The following DGKG variants were observed in gnomAD, a reference collection of about 807,000 sequenced individuals.
DGKG encodes the protein DAG kinase gamma.
DGKG carries 78 observed loss-of-function variants against 105.3 expected under a neutral mutation model. That is an observed-to-expected ratio of 0.74 (90% CI 0.62 to 0.89). DGKG has a LOEUF of 0.89. Ranked by LOEUF, DGKG falls within the 40% of genes least tolerant of loss-of-function variation. DGKG has a pLI of 0.00. For missense variants in DGKG, 958 were observed against 1,020.1 expected, an observed-to-expected ratio of 0.94 and a Z score of 0.83; for synonymous variants, 346 against 367.1, an observed-to-expected ratio of 0.94 and a Z score of 0.66.
intron 13 of DGKG, among the ~76,000 whole-genome samples, 166 bp from the exon 14 acceptor site, chr3:186,265,472 G>A (rs1722001650): frequency 7.0e-6 from 1 of 143,472 alleles, no homozygotes; most frequent in South Asian, 2.3e-4. Context: ...ATAAAGAAAT[G>A]TACCCCTATG....
rs891381373 is a variant in DGKG, at chr3:186,203,463, G to C, written c.1917+8332C>G. Among the ~76,000 whole-genome samples the C allele has an allele frequency of 1.3e-5, 2 of 152,170 alleles. No homozygotes were observed. The highest frequency in any genetic ancestry group is 1.5e-5 in the Non-Finnish European group (1 of 68,036). On this transcript the variant is annotated intron_variant, in intron 21 of 24. Coordinates refer to ENST00000265022, the MANE Select transcript of DGKG (RefSeq NM_001346.3). This position sits in a 1 kb window ranked among gnomAD's most constrained non-coding sequence, Gnocchi z 4.9. Reference sequence around the variant, plus strand: ...TGAATTTGGATTACCTTTGTAATCGGGAAAAGAGGTTAGCCCACATATTAG... The same window carrying C: ...TGAATTTGGATTACCTTTGTAATCGCGAAAAGAGGTTAGCCCACATATTAG...
intron 21 of DGKG, among the ~76,000 whole-genome samples, chr3:186,198,543 G>C (rs1400949053): frequency 6.6e-6 from 1 of 152,204 alleles, no homozygotes; most frequent in Non-Finnish European, 1.5e-5. Context: ...AGAGGCAGTG[G>C]TGTGCTGTCA....
intron 22 of DGKG, among the ~76,000 whole-genome samples, chr3:186,183,643 C>T (rs951783101): frequency 3.3e-5 from 5 of 151,552 alleles, no homozygotes; most frequent in African/African-American, 7.3e-5. Flanking sequence ...TAATGTGCTA[C>T]GACAAAGGCT....
chr3:186,206,378 G>C (rs1218934372), intron 21 of DGKG, among the ~76,000 whole-genome samples: 1 of 150,836 alleles, frequency 6.6e-6, no homozygotes, highest in Admixed American at 6.6e-5. Context: ...GCAAGACTCT[G>C]TCAAAAAAAC....
intron 7 of DGKG, among the ~76,000 whole-genome samples, chr3:186,282,021 T>C (rs1162729704): frequency 2.0e-5 from 3 of 152,124 alleles, no homozygotes; most frequent in African/African-American, 4.8e-5. Context: ...AGTGTAGGAA[T>C]AGAGAAATTT....
At chr3:186,356,113 A>G (rs746222433) in intron 1 of DGKG, among the ~76,000 whole-genome samples, 1 of 152,244 alleles carries the variant, frequency 6.6e-6, no homozygotes, top group Non-Finnish European at 1.5e-5. Flanking sequence ...GCTCAGTTAT[A>G]GTACAGAAAG....
chr3:186,243,493 T>C (rs565304546), intron 19 of DGKG, among the ~76,000 whole-genome samples: 6 of 152,272 alleles, frequency 3.9e-5, no homozygotes, highest in Admixed American at 3.9e-4. Flanking sequence ...TCGTGGCTGT[T>C]ACCAGCATCT....
chr3:186,277,451 C>T (rs16860665), intron 9 of DGKG, among the ~76,000 whole-genome samples: 2,880 of 152,304 alleles, frequency 0.019, 42 homozygotes, highest in East Asian at 0.055. Flanking sequence ...GGGTCTTTTG[C>T]TGGCCAGAGC....
chr3:186,334,305 A>G (rs1257734035), intron 1 of DGKG, among the ~76,000 whole-genome samples: 1 of 152,148 alleles, frequency 6.6e-6, no homozygotes, highest in Non-Finnish European at 1.5e-5. Context: ...CTGCATCTGT[A>G]CTGCTTCTCA....
At chr3:186,184,331 C>T (rs1476556403) in intron 22 of DGKG, among the ~76,000 whole-genome samples, 4 of 152,108 alleles carry the variant, frequency 2.6e-5, no homozygotes, top group African/African-American at 9.7e-5. Flanking sequence ...GGGGCTTTTC[C>T]CAATACCCCT....
chr3:186,174,466 G>A (rs1716976114), intron 22 of DGKG, among the ~76,000 whole-genome samples: 1 of 152,108 alleles, frequency 6.6e-6, no homozygotes, highest in Non-Finnish European at 1.5e-5. Context: ...GAAGGTTGGG[G>A]GAGGATTCTG....
chr3:186,303,992 G>C (rs111627260), intron 3 of DGKG, among the ~76,000 whole-genome samples: 36 of 152,352 alleles, frequency 2.4e-4, no homozygotes, highest in African/African-American at 7.7e-4. Flanking sequence ...CTGTGTGAGA[G>C]AACGAAATCA....
chr3:186,149,456 C>T lies in DGKG; in HGVS notation c.*634G>A, dbSNP rs115342942. The T allele has an allele frequency of 2.6e-3, 2,534 of 985,412 alleles. 53 individuals carry two copies. In the African/African-American group the frequency reaches 0.041, roughly 16 times the overall value. The allele number at this position is 985,412 out of a possible 1,614,324, so 61.0% of individuals were successfully genotyped here. A position where few individuals can be genotyped will look rare whatever the true frequency, so the allele number is the denominator to read the frequency against. ...CTGGAAAATAACAAGTGCCCACCGA[C>T]GGCGCAGAAACCCAAGAATGGAAAT... On this transcript the variant is annotated 3_prime_UTR_variant, in exon 25 of 25. Transcript: ENST00000265022.
chr3:186,320,407 T>A lies in DGKG; in HGVS notation c.53A>T (p.Gln18Leu), dbSNP rs148753073. 6.2e-7 allele frequency: 1 copy of A among 1,614,240 alleles called. No homozygotes were observed. The highest frequency in any genetic ancestry group is 8.5e-7 in the Non-Finnish European group (1 of 1,180,032). ...CATTTACTCACATTCTGAATATTTC[T>A]GGAGTTGGTCAAATTCTTCTGGAGT... ...SLTPEEFDQL[Q>L]KYSEYSSKKI... Residue 18 changes from glutamine to leucine, a missense_variant, in exon 2 of 25, where the codon CAG (glutamine) becomes CTG (leucine). Coordinates refer to ENST00000265022, the MANE Select transcript of DGKG (RefSeq NM_001346.3).
chr3:186,295,299 G>A (rs1052042889), intron 5 of DGKG, among the ~76,000 whole-genome samples: 1 of 152,002 alleles, frequency 6.6e-6, no homozygotes, highest in Non-Finnish European at 1.5e-5. Flanking sequence ...TCAGGAGATC[G>A]AGATCATCCT....
intron 2 of DGKG, among the ~76,000 whole-genome samples, chr3:186,308,730 G>C (rs1724376637): frequency 6.6e-6 from 1 of 152,222 alleles, no homozygotes; most frequent in South Asian, 2.1e-4. Flanking sequence ...CCAGGCAGCA[G>C]ATGCTGTCAA....
intron 19 of DGKG, among the ~76,000 whole-genome samples, chr3:186,244,593 A>G (rs1282870773): frequency 1.3e-5 from 2 of 152,016 alleles, no homozygotes; most frequent in East Asian, 3.9e-4. Flanking sequence ...TTTAGTAGAG[A>G]CAGTGTTTCA....
chr3:186,182,248 C>CT (rs1358850688), intron 22 of DGKG, among the ~76,000 whole-genome samples: 1 of 152,212 alleles, frequency 6.6e-6, no homozygotes, highest in East Asian at 1.9e-4. Flanking sequence ...ATCCTGAAGC[C>CT]GTAGTCAAGA....
intron 22 of DGKG, among the ~76,000 whole-genome samples, chr3:186,165,513 C>T (rs569354287): frequency 8.5e-5 from 13 of 152,358 alleles, no homozygotes; most frequent in African/African-American, 2.9e-4. Context: ...TGGTAAGCCA[C>T]TGGTGAGCCA....
Sources: gnomAD v4.1 joint callset for allele counts (sites outside exome capture counted in the v4.1 genomes callset) on GRCh38, gnomAD v4.1.1 for gene constraint, Gnocchi (gnomAD v3.1) non-coding constraint, MANE v1.5 for transcripts, NCBI Gene and HGNC (gene_info 2026-07-23, HGNC 2026-07-21) for gene names.